DNAH8: variants seen among roughly 807,000 people sequenced by gnomAD.
DNAH8 encodes dynein axonemal heavy chain 8, also known as axonemal beta dynein heavy chain 8.
In DNAH8, 382 loss-of-function variants were observed where a neutral mutation model predicts 562.1. That is an observed-to-expected ratio of 0.68 (90% CI 0.63 to 0.74). The LOEUF is 0.74. DNAH8 is among the 30% of genes least tolerant of loss of function. The pLI, the probability that DNAH8 is intolerant of heterozygous loss-of-function variation, is 0.00. For missense variants in DNAH8, 5,203 were observed against 5,620.4 expected, an observed-to-expected ratio of 0.93 and a Z score of 2.37; for synonymous variants, 1,881 against 1,919.4, an observed-to-expected ratio of 0.98 and a Z score of 0.52.
chr6:38,883,224 G>A, intron 54 of DNAH8, 98 bp from the exon 55 acceptor site: 1 of 1,382,280 alleles, frequency 7.2e-7, no homozygotes. Flanking sequence ...TTAAAAATTA[G>A]TTGTATTAAT....
intron 53 of DNAH8, among the ~76,000 whole-genome samples, chr6:38,881,319 A>G (rs970626449): frequency 2.0e-5 from 3 of 152,204 alleles, no homozygotes; most frequent in African/African-American, 7.2e-5. Context: ...CTTTCTTTCC[A>G]TGCATTCTGT....
intron 7 of DNAH8, among the ~76,000 whole-genome samples, chr6:38,741,247 T>G (rs1322453897): frequency 1.3e-5 from 2 of 151,718 alleles, no homozygotes; most frequent in Non-Finnish European, 2.9e-5. Flanking sequence ...CTACAAAAAA[T>G]TAAGAATTAG....
intron 62 of DNAH8, among the ~76,000 whole-genome samples, chr6:38,904,191 A>G (rs1250191129): frequency 2.6e-5 from 4 of 152,202 alleles, no homozygotes; most frequent in African/African-American, 9.6e-5. Context: ...TTAGTTCAGT[A>G]CATTTGAGTC....
intron 85 of DNAH8, among the ~76,000 whole-genome samples, chr6:38,978,041 T>C (rs746275348): frequency 6.6e-6 from 1 of 152,234 alleles, no homozygotes; most frequent in African/African-American, 2.4e-5. Flanking sequence ...CACTTTTACA[T>C]CCATTTCATA....
intron 44 of DNAH8, 72 bp downstream of exon 44, chr6:38,862,530 TAAATCC>T: frequency 1.3e-6 from 2 of 1,507,358 alleles, no homozygotes; most frequent in Non-Finnish European, 1.8e-6. Context: ...TTTTCTGATA[TAAATCC>T]AAAGTGACGT....
chr6:38,781,578 G>C (rs549263674), intron 16 of DNAH8, among the ~76,000 whole-genome samples: 1 of 152,288 alleles, frequency 6.6e-6, no homozygotes, highest in East Asian at 1.9e-4. Context: ...TCTAATTACA[G>C]TTATCTCAAA....
At chr6:38,784,805 A>C (rs983303377) in intron 17 of DNAH8, among the ~76,000 whole-genome samples, 6 of 152,254 alleles carry the variant, frequency 3.9e-5, no homozygotes, top group African/African-American at 1.4e-4. Flanking sequence ...CACACAGCTC[A>C]TTCAAATTCA....
intron 1 of DNAH8, among the ~76,000 whole-genome samples, chr6:38,716,237 A>C (rs1444568238): frequency 6.6e-6 from 1 of 151,618 alleles, no homozygotes; most frequent in African/African-American, 2.4e-5. Flanking sequence ...CTGGGATTAC[A>C]GGCATGAGCC....
chr6:38,796,468 C>T (rs1331035879), intron 21 of DNAH8, among the ~76,000 whole-genome samples: 1 of 152,088 alleles, frequency 6.6e-6, no homozygotes. Context: ...TTGTCTTATG[C>T]CCAATTTCTG....
In DNAH8 at chr6:38,917,382, G is replaced by A. The variant is rs146074784; in HGVS notation, c.10284G>A (p.Lys3428=). The A allele has an allele frequency of 2.0e-5, 33 of 1,613,506 alleles. No homozygotes were observed. In the African/African-American group the frequency reaches 2.8e-4, roughly 14 times the overall value. Residue 3428 remains lysine, a synonymous_variant, in exon 69 of 93, where the codon AAG becomes AAA. Coordinates refer to ENST00000327475, the MANE Select transcript of DNAH8 (RefSeq NM_001206927.2). ...TGGATCCAGAAAAATCTTGCTGTAAGCCATCATGGGGAGAGTCATTAAAGG... is the reference window on the plus strand; with the variant it reads ...TGGATCCAGAAAAATCTTGCTGTAAACCATCATGGGGAGAGTCATTAAAGG... ...VTMDPEKSCC[K]PSWGESLKLM...
At chr6:38,747,799 A>C (rs1765087646) in intron 8 of DNAH8, among the ~76,000 whole-genome samples, 1 of 152,336 alleles carries the variant, frequency 6.6e-6, no homozygotes, top group Middle Eastern at 3.4e-3. Flanking sequence ...CACATTTTGA[A>C]ATAAGTTTAT....
At chr6:38,770,806 C>G (rs1767493772) in intron 12 of DNAH8, among the ~76,000 whole-genome samples, 1 of 152,190 alleles carries the variant, frequency 6.6e-6, no homozygotes, top group South Asian at 2.1e-4. Context: ...CAGTTTACCT[C>G]TACCTATGAA....
chr6:38,715,951 TATATA>T (rs1460888571), intron 1 of DNAH8, among the ~76,000 whole-genome samples: 11 of 28,082 alleles, frequency 3.9e-4, no homozygotes, highest in South Asian at 1.4e-3. Context: ...TATATATATA[TATATA>T]TATATTTTTT....
At position 38,938,058 on chromosome 6, in the gene DNAH8, T is replaced by G. The variant is rs767309755; in HGVS notation, c.11648T>G (p.Val3883Gly). 16 of 1,613,956 alleles carry G rather than the reference T, an allele frequency of 9.9e-6. No homozygotes were observed. The highest frequency in any genetic ancestry group is 1.0e-5 in the Non-Finnish European group (12 of 1,180,030). Residue 3883 changes from valine to glycine, a missense_variant, in exon 78 of 93, where the codon GTG becomes GGG. By Grantham distance (109) the Val-to-Gly change is moderately radical (BLOSUM62 -3). Around this residue, in one of 6 missense-constraint regions of DNAH8, gnomAD observed 1,399 missense variants for 1,518.4 expected, o/e 0.92. Coordinates refer to ENST00000327475, the MANE Select transcript of DNAH8 (RefSeq NM_001206927.2). The part of the protein sequence containing the change: ...TAAEVSEKLH[V>G]AAETEIKINA... ...GCTGAGGTAAGTGAAAAGTTGCATG[T>G]GGCTGCAGAAACTGAGATCAAGATC... is the stretch of plus-strand genomic sequence containing the variant.
chr6:38,752,444 G>A (rs375489088), intron 9 of DNAH8, among the ~76,000 whole-genome samples: 5 of 152,238 alleles, frequency 3.3e-5, no homozygotes, highest in Admixed American at 6.5e-5. Context: ...GATTACAGGC[G>A]TGAGCCATCG....
intron 55 of DNAH8, 106 bp downstream of exon 55, chr6:38,883,562 A>C (rs780618189): frequency 5.9e-5 from 74 of 1,256,830 alleles, no homozygotes; most frequent in Non-Finnish European, 7.6e-5. Context: ...ATATATTCAA[A>C]AGAAATCATG....
intron 85 of DNAH8, among the ~76,000 whole-genome samples, chr6:38,975,165 A>C (rs1763592322): frequency 6.6e-6 from 1 of 152,220 alleles, no homozygotes; most frequent in African/African-American, 2.4e-5. Context: ...CTTAGTACTG[A>C]CGCAGTAATT....
intron 75 of DNAH8, 50 bp downstream of exon 75, chr6:38,929,716 G>C (rs753214280): frequency 3.6e-6 from 5 of 1,379,722 alleles, no homozygotes; most frequent in Non-Finnish European, 4.8e-6. Flanking sequence ...AAAAGAAAAA[G>C]AAAAAAAGAA....
intron 88 of DNAH8, among the ~76,000 whole-genome samples, chr6:38,992,905 C>T (rs1165954794): frequency 1.3e-5 from 2 of 152,142 alleles, no homozygotes; most frequent in South Asian, 2.1e-4. Flanking sequence ...TACGCTCCAT[C>T]GAGATCCAAC....
Sources: gnomAD v4.1 joint callset for allele counts (sites outside exome capture counted in the v4.1 genomes callset) on GRCh38, gnomAD v4.1.1 for gene constraint, gnomAD v4.1.1 regional missense constraint, MANE v1.5 for transcripts, NCBI Gene and HGNC (gene_info 2026-07-23, HGNC 2026-07-21) for gene names.